Variants in EFCAB11 observed in about 807,000 individuals in gnomAD.
The protein encoded by EFCAB11 is EF-hand calcium binding domain 11, also known as EF-hand calcium-binding domain-containing protein 11.
Under a neutral mutation model 23.0 loss-of-function variants are expected in EFCAB11, and 14 were observed. The observed-to-expected ratio is 0.61, with a 90% CI of 0.40 to 0.95. EFCAB11 has a LOEUF of 0.95. EFCAB11 is among the 40% of genes least tolerant of loss of function. The probability of loss-of-function intolerance (pLI) is 0.00; values close to 1 mark genes in which losing one functional copy is unlikely to be tolerated. For missense variants in EFCAB11, 198 were observed against 195.8 expected (o/e 1.01, Z -0.07); for synonymous variants, 65 against 66.6 (o/e 0.98, Z 0.11).
intron 5 of EFCAB11, among the ~76,000 whole-genome samples, chr14:89,907,923 T>C (rs768330225): frequency 2.0e-4 from 30 of 152,290 alleles, no homozygotes; most frequent in East Asian, 9.7e-4. Context: ...GGGGTCGTTG[T>C]GCGGATCAAA....
intron 5 of EFCAB11, among the ~76,000 whole-genome samples, chr14:89,887,039 CTT>C (rs1290947621): frequency 3.9e-5 from 6 of 152,150 alleles, no homozygotes; most frequent in Admixed American, 3.9e-4. Flanking sequence ...TTTTTATAGT[CTT>C]TAATAAATTC....
intron 5 of EFCAB11, chr14:89,836,646 C>T (rs1480008035): frequency 2.2e-6 from 1 of 456,710 alleles, no homozygotes; most frequent in Non-Finnish European, 4.4e-6. Context: ...CCTTCTAGCT[C>T]ATTATTAATG....
chr14:89,924,794 G>T, intron 5 of EFCAB11: 1 of 1,127,342 alleles, frequency 8.9e-7, no homozygotes, highest in Non-Finnish European at 1.2e-6. Context: ...CATTTTAAAG[G>T]ACTCTTTCCT....
In EFCAB11 at chr14:89,795,853, AAT is replaced by A. The variant is rs2140067033; in HGVS notation, c.*1388_*1389del. The A allele has an allele frequency of 6.6e-6, 1 of 152,320 alleles. No homozygotes were observed. The highest frequency in any genetic ancestry group is 2.1e-4 in the South Asian group (1 of 4,822). 9.4% of individuals were successfully genotyped at this position (152,320 alleles called of 1,614,324 possible). On this transcript the variant is annotated 3_prime_UTR_variant, in exon 6 of 6. Transcript: ENST00000316738. ...ATGTTATGCATTCCGTACACTTATA[AAT>A]AAGAGTACTGATACCAGTATTTTGG...
intron 5 of EFCAB11, among the ~76,000 whole-genome samples, chr14:89,802,302 T>C (rs1199672057): frequency 1.3e-5 from 2 of 151,852 alleles, no homozygotes; most frequent in Non-Finnish European, 2.9e-5. Context: ...ATAAAGACTA[T>C]GAAAGTGATA....
At chr14:89,834,380 A>AG (rs1470515651) in intron 5 of EFCAB11, among the ~76,000 whole-genome samples, 61 of 146,102 alleles carry the variant, frequency 4.2e-4, no homozygotes, top group African/African-American at 1.5e-3. Flanking sequence ...CGTCTCAAAA[A>AG]AAAAAAAAAA....
chr14:89,919,039 A>C (rs960312184), intron 5 of EFCAB11, among the ~76,000 whole-genome samples: 4 of 151,630 alleles, frequency 2.6e-5, no homozygotes, highest in Admixed American at 6.6e-5. Flanking sequence ...TGGTAGCCCA[A>C]ACACTTTGGT....
intron 5 of EFCAB11, among the ~76,000 whole-genome samples, chr14:89,801,887 G>C (rs1458514895): frequency 6.6e-6 from 1 of 152,012 alleles, no homozygotes; most frequent in East Asian, 1.9e-4. Flanking sequence ...CCAGCTACTG[G>C]GGAGGCTGAG....
At position 89,905,174 on chromosome 14, in the gene EFCAB11, T is replaced by C. The variant is rs73320764; in HGVS notation, c.410+26367A>G. On this transcript the variant is annotated intron_variant, in intron 5 of 5. Transcript: ENST00000316738. ...TACATGTGGTCCCTTTCTAGTGAAA[T>C]GGGTCTGAATAATAAGGCTTGGAGG... Among the ~76,000 whole-genome samples the C allele has an allele frequency of 2.4e-3, 368 of 152,248 alleles. 3 individuals carry two copies. Among genetic ancestry groups the C allele is most frequent in the African/African-American group, 8.6e-3 (356 of 41,534 alleles).
At chr14:89,954,752 G>A, upstream of EFCAB11, 1 of 1,524,334 alleles carries the variant, frequency 6.6e-7, no homozygotes, top group Non-Finnish European at 8.8e-7. Flanking sequence ...GCCCACCGCG[G>A]CTCAGGAAGC....
chr14:89,801,679 A>T (rs1310504250), intron 5 of EFCAB11, among the ~76,000 whole-genome samples: 1 of 152,154 alleles, frequency 6.6e-6, no homozygotes, highest in Non-Finnish European at 1.5e-5. Flanking sequence ...AAAAGTAAAA[A>T]TATTTTGATT....
intron 2 of EFCAB11, among the ~76,000 whole-genome samples, chr14:89,952,140 A>T (rs1034066598): frequency 1.4e-4 from 21 of 152,236 alleles, no homozygotes; most frequent in Non-Finnish European, 2.6e-4. Flanking sequence ...AGTTCATTGT[A>T]CAAATGACTA....
intron 5 of EFCAB11, among the ~76,000 whole-genome samples, chr14:89,862,616 T>C (rs1784570541): frequency 6.6e-6 from 1 of 152,260 alleles, no homozygotes; most frequent in South Asian, 2.1e-4. Context: ...TTAGTTGTGT[T>C]GACTAGTCTG....
At chr14:89,843,307 TAA>T (rs1887329830) in intron 5 of EFCAB11, among the ~76,000 whole-genome samples, 1 of 152,216 alleles carries the variant, frequency 6.6e-6, no homozygotes, top group South Asian at 2.1e-4. Context: ...CATTTTAAAA[TAA>T]GTTATTTGTA....
rs146765407 is a variant in EFCAB11 at position 89,818,604 on chromosome 14, A to T, written c.411-21280T>A. Reference sequence around the variant, plus strand: ...CAAACACAGGTAAGGCAATGAACAGACAAGCTACAGCCTAGAAGAAAAATC... The same window carrying T: ...CAAACACAGGTAAGGCAATGAACAGTCAAGCTACAGCCTAGAAGAAAAATC... On this transcript the variant is annotated intron_variant, in intron 5 of 5. Transcript: ENST00000316738. 6.8e-3 allele frequency among the ~76,000 whole-genome samples: 1,035 copies of T among 152,356 alleles called. 5 individuals are homozygous for T. The highest frequency in any genetic ancestry group is 0.011 in the Non-Finnish European group (772 of 68,028).
chr14:89,924,718 G>T, intron 5 of EFCAB11: 1 of 1,534,566 alleles, frequency 6.5e-7, no homozygotes, highest in South Asian at 1.2e-5. Context: ...ATTAATTCAT[G>T]AAAATCACAT....
chr14:89,799,745 C>T (rs186019620), intron 5 of EFCAB11, among the ~76,000 whole-genome samples: 199 of 152,096 alleles, frequency 1.3e-3, no homozygotes, highest in Non-Finnish European at 2.3e-3. Context: ...TCTTGCCCCA[C>T]AGCAGAGGAT....
intron 5 of EFCAB11, among the ~76,000 whole-genome samples, chr14:89,917,149 C>T (rs1245549244): frequency 6.6e-6 from 1 of 151,008 alleles, no homozygotes; most frequent in Non-Finnish European, 1.5e-5. Context: ...ATCTGAAGTA[C>T]ACAACACATT....
chr14:89,845,107 G>A (rs970262634), intron 5 of EFCAB11, among the ~76,000 whole-genome samples: 1 of 152,162 alleles, frequency 6.6e-6, no homozygotes, highest in Admixed American at 6.6e-5. Context: ...CTTGCAAATA[G>A]GGGTTAAAAA....
Sources: allele counts gnomAD v4.1 joint callset (sites outside exome capture counted in the v4.1 genomes callset), GRCh38; gene constraint gnomAD v4.1.1; transcripts MANE v1.5; gene names NCBI Gene and HGNC (gene_info 2026-07-23, HGNC 2026-07-21).